The following NARF variants were observed in gnomAD, a reference collection of about 807,000 sequenced individuals.
NARF encodes iron-only hydrogenase-like protein 2.
Under a neutral mutation model 48.0 loss-of-function variants are expected in NARF, and 41 were observed. The ratio of observed to expected loss-of-function variants is 0.85; its 90% confidence interval spans 0.66 to 1.11. NARF has a LOEUF of 1.11. NARF is among the 50% of genes least tolerant of loss of function. The pLI is 0.00. For missense variants in NARF, 613 were observed against 590.2 expected (o/e 1.04, Z -0.40); for synonymous variants, 215 against 225.5 (o/e 0.95, Z 0.42).
intron 3 of NARF, among the ~76,000 whole-genome samples, chr17:82,466,023 A>G (rs1474742846): frequency 6.6e-6 from 1 of 152,100 alleles, no homozygotes; most frequent in Non-Finnish European, 1.5e-5. Context: ...CCCCCCACCC[A>G]TCAGCCAGGT....
In NARF at chr17:82,460,070, G is replaced by A. The variant is rs200622316; in HGVS notation, c.106G>A (p.Glu36Lys). The change falls in exon 2 of 11, where the codon GAG (glutamate) becomes AAG (lysine). Residue 36 changes from glutamate to lysine, a missense_variant and splice_region_variant. Coordinates refer to ENST00000309794, the MANE Select transcript of NARF (RefSeq NM_012336.4). ...DAPSPAQENG[E>K]KGEFHKLADA... ...ACCGAGTCCAGCCCAGGAAAATGGA[G>A]AGGCAAGTAGATTTTTCAGTTTTGT... The A allele has an allele frequency of 1.9e-4, 305 of 1,613,228 alleles. 1 individual carries two copies. The highest frequency in any genetic ancestry group is 1.2e-3 in the Middle Eastern group (7 of 6,078).
At chr17:82,460,822 G>A (rs1488939050) in intron 2 of NARF, 1 of 152,220 alleles carries the variant, frequency 6.6e-6, no homozygotes, top group Non-Finnish European at 1.5e-5. Context: ...GTCCATCAGT[G>A]GCACAAGGCC....
chr17:82,488,387 T>TC lies in NARF; in HGVS notation c.*230_*231insC. The TC allele has an allele frequency of 1.7e-6, 1 of 588,188 alleles. No homozygotes were observed. Among genetic ancestry groups the TC allele is most frequent in the East Asian group, 3.4e-5 (1 of 29,014 alleles). 36.4% of individuals were successfully genotyped at this position (588,188 alleles called of 1,614,324 possible). A position where few individuals can be genotyped will look rare whatever the true frequency, so the allele number is the denominator to read the frequency against. On this transcript the variant is annotated 3_prime_UTR_variant, in exon 11 of 11. Coordinates refer to ENST00000309794, the MANE Select transcript of NARF (RefSeq NM_012336.4). ...GATTGGAACTTTTTTTTTCTTTTTT[T>TC]TTTTTTGAGACGGAGTCTCACTCTG...
chr17:82,481,403 G>C (rs1419930194), intron 7 of NARF, among the ~76,000 whole-genome samples, 192 bp downstream of exon 7: 5 of 152,080 alleles, frequency 3.3e-5, no homozygotes, highest in Non-Finnish European at 7.4e-5. Flanking sequence ...GTTCGATCTA[G>C]CCTCCTGTCT....
intron 7 of NARF, 48 bp from the exon 8 acceptor site, chr17:82,483,668 C>T: frequency 6.3e-7 from 1 of 1,585,110 alleles, no homozygotes; most frequent in Non-Finnish European, 8.7e-7. Context: ...AAGAAAAGTT[C>T]CTGTGGCCAC....
At chr17:82,475,950 T>C (rs575510921) in intron 5 of NARF, among the ~76,000 whole-genome samples, 1 of 152,336 alleles carries the variant, frequency 6.6e-6, no homozygotes, top group East Asian at 1.9e-4. Flanking sequence ...ATAAAAAGTA[T>C]AAACTTTATT....
At chr17:82,486,505 C>T (rs181549650) in intron 10 of NARF, among the ~76,000 whole-genome samples, 14 of 152,184 alleles carry the variant, frequency 9.2e-5, no homozygotes, top group South Asian at 4.1e-4. Flanking sequence ...CAAAGGATCT[C>T]GTAGAGGAGG....
At chr17:82,473,727 T>G (rs879443843) in intron 5 of NARF, among the ~76,000 whole-genome samples, 4 of 151,836 alleles carry the variant, frequency 2.6e-5, no homozygotes, top group Non-Finnish European at 5.9e-5. Flanking sequence ...CTGGCTAATT[T>G]TTGTATTTTT....
At chr17:82,487,797 C>CGAA in intron 10 of NARF, 119 bp from the exon 11 acceptor site, 1 of 505,674 alleles carries the variant, frequency 2.0e-6, no homozygotes. Flanking sequence ...CCAATCTCTA[C>CGAA]AAAAAATTTA....
chr17:82,482,701 G>A (rs2044000968), intron 7 of NARF: 1 of 152,258 alleles, frequency 6.6e-6, no homozygotes, highest in African/African-American at 2.4e-5. Flanking sequence ...CAATGGCTCA[G>A]ACCTCTAATT....
At chr17:82,483,949 A>G (rs1202676975) in intron 8 of NARF, 170 bp downstream of exon 8, 10 of 587,324 alleles carry the variant, frequency 1.7e-5, no homozygotes, top group Non-Finnish European at 2.7e-5. Flanking sequence ...TAGCTGTTGA[A>G]TGGGATACCA....
chr17:82,488,586 G>A lies in NARF; in HGVS notation c.*429G>A, dbSNP rs1185242833. 6.0e-6 allele frequency: 1 copy of A among 165,862 alleles called. No homozygotes were observed. The highest frequency in any genetic ancestry group is 1.3e-5 in the Non-Finnish European group (1 of 75,066). 10.3% of individuals were successfully genotyped at this position (165,862 alleles called of 1,614,324 possible). A position where few individuals can be genotyped will look rare whatever the true frequency, so the allele number is the denominator to read the frequency against. ...GATGGGGTTTCACTATGTTGGCCAG[G>A]CTGGTATTGAATTCCTGACCTCCTG... On this transcript the variant is annotated 3_prime_UTR_variant, in exon 11 of 11. Coordinates refer to ENST00000309794, the MANE Select transcript of NARF (RefSeq NM_012336.4).
intron 1 of NARF, chr17:82,459,192 C>G: frequency 2.8e-6 from 3 of 1,059,390 alleles, no homozygotes; most frequent in Non-Finnish European, 3.4e-6. Context: ...TCGAACCTGC[C>G]CCTCTGAGGG....
chr17:82,481,338 G>A (rs1314938585), intron 7 of NARF, 127 bp downstream of exon 7: 1 of 1,408,198 alleles, frequency 7.1e-7, no homozygotes, highest in Non-Finnish European at 9.6e-7. Context: ...CTTGTCTGAA[G>A]TTACTGACAG....
intron 10 of NARF, 42 bp from the exon 11 acceptor site, chr17:82,487,874 T>C: frequency 1.3e-6 from 2 of 1,599,556 alleles, no homozygotes; most frequent in Non-Finnish European, 1.7e-6. Flanking sequence ...GGCAGAAAGA[T>C]CGCCTGAGCC....
chr17:82,489,445 A>T lies in NARF; in HGVS notation c.*1288A>T, dbSNP rs1567950724. 6.6e-6 allele frequency: 1 copy of T among 152,508 alleles called. No homozygotes were observed. The highest frequency in any genetic ancestry group is 1.5e-5 in the Non-Finnish European group (1 of 68,274). 9.4% of individuals were successfully genotyped at this position (152,508 alleles called of 1,614,324 possible). ...ATGGAAAATTGAGAAGGCTGCCCGC[A>T]CCAGCTGGGTGGGTGCAGGGGGCCC... On this transcript the variant is annotated 3_prime_UTR_variant, in exon 11 of 11. Transcript: ENST00000309794.
chr17:82,488,310 T>C lies in NARF; in HGVS notation c.*153T>C. The C allele has an allele frequency of 2.4e-6, 3 of 1,230,704 alleles. No homozygotes were observed. Among genetic ancestry groups the C allele is most frequent in the Non-Finnish European group, 3.3e-6 (3 of 912,654 alleles). 76.2% of individuals were successfully genotyped at this position (1,230,704 alleles called of 1,614,324 possible). A position where few individuals can be genotyped will look rare whatever the true frequency, so the allele number is the denominator to read the frequency against. Reference sequence around the variant, plus strand: ...TCCGAGTTCCCTGCTACCCCGTTTATTGGAGGCCCCTCAGGCAGTTTCATG... The same window carrying C: ...TCCGAGTTCCCTGCTACCCCGTTTACTGGAGGCCCCTCAGGCAGTTTCATG... On this transcript the variant is annotated 3_prime_UTR_variant, in exon 11 of 11. Coordinates refer to ENST00000309794, the MANE Select transcript of NARF (RefSeq NM_012336.4).
chr17:82,480,285 G>GCA (rs2043930035), intron 6 of NARF: 2 of 385,806 alleles, frequency 5.2e-6, no homozygotes, highest in Non-Finnish European at 4.5e-6. Flanking sequence ...AGTAGCCAGC[G>GCA]CGCGCACACA....
chr17:82,458,604 C>A, upstream of NARF: 1 of 626,040 alleles, frequency 1.6e-6, no homozygotes, highest in Non-Finnish European at 2.4e-6. Context: ...CTAGGCAAAG[C>A]CGTAAGGGTG....
Sources: gnomAD v4.1 joint callset for allele counts (sites outside exome capture counted in the v4.1 genomes callset) on GRCh38, gnomAD v4.1.1 for gene constraint, MANE v1.5 for transcripts, NCBI Gene and HGNC (gene_info 2026-07-23, HGNC 2026-07-21) for gene names.